Variants in CNTLN observed in about 807,000 individuals in gnomAD.
The protein encoded by CNTLN is centlein.
A neutral mutation model predicts 180.0 loss-of-function variants in CNTLN; 212 were observed. The observed-to-expected ratio is 1.18, with a 90% CI of 1.05 to 1.32. The LOEUF is 1.32. Ranked by LOEUF, CNTLN falls within the 40% of genes most tolerant of loss-of-function variation. CNTLN has a pLI of 0.00. For missense variants in CNTLN, 2,095 were observed against 1,610.9 expected (o/e 1.30, Z -5.14); for synonymous variants, 722 against 563.1 (o/e 1.28, Z -3.99).
At chr9:17,379,148 A>C (rs1442533) in intron 13 of CNTLN, among the ~76,000 whole-genome samples, 1 of 151,684 alleles carries the variant, frequency 6.6e-6, no homozygotes, top group Non-Finnish European at 1.5e-5. Flanking sequence ...TGTTCACGTT[A>C]GTATAGCGTG....
At chr9:17,458,972 T>C (rs1831296753) in intron 19 of CNTLN, among the ~76,000 whole-genome samples, 1 of 151,836 alleles carries the variant, frequency 6.6e-6, no homozygotes, top group Non-Finnish European at 1.5e-5. Flanking sequence ...GATAAAATCA[T>C]TGAGCTATTC....
intron 25 of CNTLN, among the ~76,000 whole-genome samples, chr9:17,495,723 C>T (rs1484279581): frequency 6.6e-6 from 1 of 152,174 alleles, no homozygotes; most frequent in Non-Finnish European, 1.5e-5. Context: ...TAAGTCTTCA[C>T]ATTTACTCAC....
chr9:17,309,634 A>G (rs1563982667), intron 8 of CNTLN, among the ~76,000 whole-genome samples: 1 of 150,516 alleles, frequency 6.6e-6, no homozygotes, highest in Non-Finnish European at 1.5e-5. Context: ...GGTATTCGGT[A>G]CTCAGTATCC....
At chr9:17,480,259 A>T (rs893434636) in intron 23 of CNTLN, among the ~76,000 whole-genome samples, 1 of 152,170 alleles carries the variant, frequency 6.6e-6, no homozygotes, top group Non-Finnish European at 1.5e-5. Context: ...TTCCCCCAAC[A>T]TCCAAAGAAC....
chr9:17,527,666 A>G, the CNTLN span, among the ~76,000 whole-genome samples: 3 of 152,128 alleles, frequency 2.0e-5, no homozygotes, highest in Admixed American at 6.5e-5. Context: ...GACAGCCTGG[A>G]GGTAAAGGCA....
At chr9:17,310,084 T>C (rs1329688983) in intron 8 of CNTLN, among the ~76,000 whole-genome samples, 2 of 152,158 alleles carry the variant, frequency 1.3e-5, no homozygotes. Flanking sequence ...TACTATTGTA[T>C]GCATATGACA....
rs1455340392 is a variant in CNTLN at position 17,366,618 on chromosome 9, A to T, written c.1888A>T (p.Met630Leu). Residue 630 changes from methionine to leucine, a missense_variant and splice_region_variant, in exon 13 of 26, where the codon ATG becomes TTG. Physicochemically the swap from Met to Leu is conservative, Grantham distance 15 (BLOSUM62 2). Transcript: ENST00000380647. Reference protein sequence around the residue: ...RENQELMIQKMNLEEELDELK... With the variant: ...RENQELMIQKLNLEEELDELK... ...TAAATGTTTATTGCTTTTTCATAGG[A>T]TGAATCTTGAAGAAGAATTAGATGA... 1.4e-6 allele frequency: 2 copies of T among 1,456,112 alleles called. No individual in the cohort carries two copies. Among genetic ancestry groups the T allele is most frequent in the Non-Finnish European group, 1.9e-6 (2 of 1,047,622 alleles). 90.2% of individuals were successfully genotyped at this position (1,456,112 alleles called of 1,614,324 possible). A position where few individuals can be genotyped will look rare whatever the true frequency, so the allele number is the denominator to read the frequency against.
chr9:17,204,282 C>T (rs371131320), intron 2 of CNTLN, among the ~76,000 whole-genome samples: 3 of 152,114 alleles, frequency 2.0e-5, no homozygotes, highest in East Asian at 1.9e-4. Flanking sequence ...GTTTTTTCCT[C>T]ATCTCCATGG....
chr9:17,138,968 T>A (rs1232395659), intron 1 of CNTLN, among the ~76,000 whole-genome samples: 1 of 152,238 alleles, frequency 6.6e-6, no homozygotes, highest in East Asian at 1.9e-4. Context: ...GTCAACTGTT[T>A]CATAGCCCAA....
intron 6 of CNTLN, among the ~76,000 whole-genome samples, chr9:17,281,313 C>T (rs1014377863): frequency 3.3e-5 from 5 of 152,026 alleles, no homozygotes; most frequent in South Asian, 2.1e-4. Flanking sequence ...CCAGGATACA[C>T]GTGCAGGATG....
intron 13 of CNTLN, among the ~76,000 whole-genome samples, chr9:17,374,155 A>G (rs1163401595): frequency 1.3e-5 from 2 of 152,208 alleles, no homozygotes; most frequent in African/African-American, 4.8e-5. Context: ...CAGCAAGGGA[A>G]CAATCAACAA....
At chr9:17,359,099 GC>G (rs1295643796) in intron 12 of CNTLN, among the ~76,000 whole-genome samples, 1 of 151,242 alleles carries the variant, frequency 6.6e-6, no homozygotes, top group Non-Finnish European at 1.5e-5. Flanking sequence ...GCTTGCTGCA[GC>G]CTCAACTTCC....
chr9:17,508,455 G>A (rs1157560124), downstream of CNTLN, among the ~76,000 whole-genome samples: 1 of 152,116 alleles, frequency 6.6e-6, no homozygotes, highest in African/African-American at 2.4e-5. Context: ...CTTCGTTGGA[G>A]TGTTTTTAGG....
chr9:17,424,717 G>A (rs1054394140), intron 18 of CNTLN, among the ~76,000 whole-genome samples: 27 of 152,132 alleles, frequency 1.8e-4, no homozygotes, highest in Non-Finnish European at 3.7e-4. Context: ...GATTACATAA[G>A]GTCATCAGCA....
rs369729227 is a variant in CNTLN at position 17,312,364 on chromosome 9, T to TATATATTA, written c.1341+3112_1341+3113insATATATTA. ...GTATTTATATATATATATATATATA[T>TATATATTA]TATATATATATATATATATAATTTA... On this transcript the variant is annotated intron_variant, in intron 8 of 25. Coordinates refer to ENST00000380647, the MANE Select transcript of CNTLN (RefSeq NM_017738.4). Among the ~76,000 whole-genome samples the TATATATTA allele has an allele frequency of 2.6e-3, 52 of 20,166 alleles. 1 individual carries two copies. Among genetic ancestry groups the TATATATTA allele is most frequent in the East Asian group, 0.02 (14 of 692 alleles). The allele number at this position is 20,166 out of a possible 152,430, so 13.2% of individuals were successfully genotyped here.
At chr9:17,486,168 A>G (rs1322987856) in intron 24 of CNTLN, among the ~76,000 whole-genome samples, 1 of 152,140 alleles carries the variant, frequency 6.6e-6, no homozygotes, top group Admixed American at 6.5e-5. Context: ...AGGTCCAAGG[A>G]TTTGCCCAAG....
the CNTLN span, among the ~76,000 whole-genome samples, chr9:17,523,699 C>A: frequency 6.6e-6 from 1 of 152,298 alleles, no homozygotes; most frequent in South Asian, 2.1e-4. Flanking sequence ...CATGTACAAT[C>A]CTTTTTTTGT....
chr9:17,135,324 A>G lies in CNTLN; in HGVS notation c.259A>G (p.Arg87Gly), dbSNP rs779499136. 2 of 1,602,518 alleles carry G rather than the reference A, an allele frequency of 1.2e-6. No individual in the cohort carries two copies. The highest frequency in any genetic ancestry group is 1.7e-6 in the Non-Finnish European group (2 of 1,175,296). Residue 87 changes from arginine (R) to glycine (G), a missense_variant, in exon 1 of 26, where the codon AGA (arginine) becomes GGA (glycine). Physicochemically the swap from Arg to Gly is moderately radical, Grantham distance 125. Coordinates refer to ENST00000380647, the MANE Select transcript of CNTLN (RefSeq NM_017738.4). ...CCTCCTCAGCGCGCCCATGGGGTCC[A>G]GACGGCTAGAGGGCATCTCGGTAGA... is the stretch of plus-strand genomic sequence containing the variant. ...APLLSAPMGS[R>G]RLEGISVEEA...
At chr9:17,321,070 G>T (rs182510310) in intron 8 of CNTLN, among the ~76,000 whole-genome samples, 5 of 152,084 alleles carry the variant, frequency 3.3e-5, no homozygotes, top group African/African-American at 1.2e-4. Flanking sequence ...TTGGAAACTA[G>T]TGAGGTTTTT....
Sources: allele counts gnomAD v4.1 joint callset (sites outside exome capture counted in the v4.1 genomes callset), GRCh38; gene constraint gnomAD v4.1.1; transcripts MANE v1.5; gene names NCBI Gene and HGNC (gene_info 2026-07-23, HGNC 2026-07-21).